The following SSH2 variants were observed in gnomAD, a reference collection of about 807,000 sequenced individuals.
SSH2 encodes the protein slingshot protein phosphatase 2.
A neutral mutation model predicts 135.2 loss-of-function variants in SSH2; 37 were observed. That is an observed-to-expected ratio of 0.27 (90% CI 0.21 to 0.36). SSH2 has a LOEUF of 0.36. Ranked by LOEUF, SSH2 falls within the 10% of genes least tolerant of loss-of-function variation. SSH2 has a pLI of 1.00. For missense variants in SSH2, 1,408 were observed against 1,765.3 expected (o/e 0.80, Z 3.63); for synonymous variants, 628 against 646.2 (o/e 0.97, Z 0.43).
intron 3 of SSH2, among the ~76,000 whole-genome samples, chr17:29,750,349 G>T (rs1334201790): frequency 6.7e-6 from 1 of 149,170 alleles, no homozygotes; most frequent in Non-Finnish European, 1.5e-5. Flanking sequence ...TGAGGCAGGA[G>T]AATCACTTGA....
chr17:29,892,117 G>C (rs1157662719), intron 1 of SSH2, among the ~76,000 whole-genome samples: 1 of 151,118 alleles, frequency 6.6e-6, no homozygotes, highest in Admixed American at 6.6e-5. Context: ...GCCCAGGTTG[G>C]CCTTGACCTC....
At chr17:29,918,859 C>T (rs2066926387) in intron 1 of SSH2, among the ~76,000 whole-genome samples, 1 of 152,118 alleles carries the variant, frequency 6.6e-6, no homozygotes, top group Non-Finnish European at 1.5e-5. Flanking sequence ...ATCACTTGAA[C>T]CCGGGAGGCG....
chr17:29,740,247 C>T (rs2040509902), intron 3 of SSH2, among the ~76,000 whole-genome samples: 1 of 152,192 alleles, frequency 6.6e-6, no homozygotes, highest in South Asian at 2.1e-4. Context: ...ATCCTCTGTT[C>T]CAGCACCATG....
At chr17:29,691,904 C>T (rs916506759) in intron 5 of SSH2, among the ~76,000 whole-genome samples, 9 of 151,178 alleles carry the variant, frequency 6.0e-5, no homozygotes, top group African/African-American at 1.9e-4. Flanking sequence ...TTTGGGAGGC[C>T]GAGATGGGCA....
chr17:29,854,971 C>T (rs1313634201), intron 1 of SSH2, among the ~76,000 whole-genome samples: 5 of 151,700 alleles, frequency 3.3e-5, no homozygotes, highest in Admixed American at 6.6e-5. Context: ...AAACAAACAA[C>T]GAATAAATCC....
At chr17:29,895,331 ACATTTTATATATG>A (rs2066430846) in intron 1 of SSH2, among the ~76,000 whole-genome samples, 1 of 57,226 alleles carries the variant, frequency 1.7e-5, no homozygotes, top group Admixed American at 2.9e-4. Context: ...TTTTATATAT[ACATTTTATATATG>A]AAATATATAA....
At chr17:29,712,524 C>T (rs1598858403) in intron 3 of SSH2, among the ~76,000 whole-genome samples, 1 of 152,242 alleles carries the variant, frequency 6.6e-6, no homozygotes, top group Non-Finnish European at 1.5e-5. Flanking sequence ...TCATTTCTGG[C>T]TGAGCGCGGT....
At chr17:29,871,210 A>G (rs982754532) in intron 1 of SSH2, among the ~76,000 whole-genome samples, 2 of 152,000 alleles carry the variant, frequency 1.3e-5, no homozygotes, top group South Asian at 2.1e-4. Flanking sequence ...TATTTCCAAC[A>G]TCTGCTCTTA....
At chr17:29,684,765 C>A in intron 5 of SSH2, 81 bp from the exon 6 acceptor site, 1 of 1,375,934 alleles carries the variant, frequency 7.3e-7, no homozygotes, top group Admixed American at 2.0e-5. Context: ...TCATCAGCAT[C>A]TTAAAGCATA....
At chr17:29,719,646 G>GTTC (rs74381245) in intron 3 of SSH2, among the ~76,000 whole-genome samples, 84,979 of 151,874 alleles carry the variant, frequency 0.56, 24,168 homozygotes, top group East Asian at 0.69. Flanking sequence ...ATGAACAGAA[G>GTTC]TTCTTCCCAT....
chr17:29,635,450 G>A (rs1045652583), intron 15 of SSH2, among the ~76,000 whole-genome samples: 1 of 151,880 alleles, frequency 6.6e-6, no homozygotes, highest in African/African-American at 2.4e-5. Context: ...TGTCGCCCAG[G>A]CTGGAGTGCA....
At chr17:29,752,076 C>T (rs2040963493) in intron 3 of SSH2, among the ~76,000 whole-genome samples, 1 of 152,046 alleles carries the variant, frequency 6.6e-6, no homozygotes, top group Non-Finnish European at 1.5e-5. Context: ...ATAATAGATC[C>T]ATACATCACA....
intron 11 of SSH2, among the ~76,000 whole-genome samples, chr17:29,660,666 C>A (rs1026498377): frequency 6.6e-6 from 1 of 152,084 alleles, no homozygotes; most frequent in Non-Finnish European, 1.5e-5. Flanking sequence ...AAGTTTTTCC[C>A]ATATTAAAAT....
At chr17:29,894,958 C>A (rs1307682836) in intron 1 of SSH2, among the ~76,000 whole-genome samples, 1 of 148,620 alleles carries the variant, frequency 6.7e-6, no homozygotes, top group Admixed American at 6.8e-5. Context: ...AGACAAAATT[C>A]AAACTGCTAT....
chr17:29,723,233 AT>A (rs1220072013), intron 3 of SSH2, among the ~76,000 whole-genome samples: 1 of 152,216 alleles, frequency 6.6e-6, no homozygotes, highest in Non-Finnish European at 1.5e-5. Context: ...CCAATTCCAA[AT>A]AAAAAAAAGC....
chr17:29,707,334 G>T (rs1226051920), intron 3 of SSH2, among the ~76,000 whole-genome samples: 1 of 152,144 alleles, frequency 6.6e-6, no homozygotes, highest in Non-Finnish European at 1.5e-5. Context: ...CTGGACAAGG[G>T]CTGTTGGTTA....
intron 1 of SSH2, among the ~76,000 whole-genome samples, chr17:29,851,507 G>T (rs961862707): frequency 1.3e-5 from 2 of 151,886 alleles, no homozygotes; most frequent in African/African-American, 2.4e-5. Flanking sequence ...CAGGAGAATC[G>T]CTTGAACCCA....
intron 3 of SSH2, among the ~76,000 whole-genome samples, chr17:29,772,190 A>T (rs969889874): frequency 2.6e-5 from 4 of 152,268 alleles, no homozygotes; most frequent in African/African-American, 9.6e-5. Flanking sequence ...TCATTTTACA[A>T]AATGAGGAAA....
chr17:29,712,908 A>G (rs563276411), intron 3 of SSH2, among the ~76,000 whole-genome samples: 13 of 152,352 alleles, frequency 8.5e-5, no homozygotes, highest in Non-Finnish European at 1.5e-5. Context: ...ATAGCTAGTT[A>G]GCAGTAGGGC....
Sources: gnomAD v4.1 joint callset for allele counts (sites outside exome capture counted in the v4.1 genomes callset) on GRCh38, gnomAD v4.1.1 for gene constraint, MANE v1.5 for transcripts, NCBI Gene and HGNC (gene_info 2026-07-23, HGNC 2026-07-21) for gene names.